ROBO1: variants seen among roughly 807,000 people sequenced by gnomAD.
ROBO1 encodes roundabout homolog 1.
In ROBO1, 149 loss-of-function variants were observed where a neutral mutation model predicts 195.9. The observed-to-expected ratio is 0.76, with a 90% CI of 0.67 to 0.87. The LOEUF (loss-of-function observed/expected upper bound fraction) is 0.87, where lower values mean the gene tolerates loss of function less well. ROBO1 is among the 40% of genes least tolerant of loss of function. The probability of loss-of-function intolerance (pLI) is 0.00; values close to 1 mark genes in which losing one functional copy is unlikely to be tolerated. For synonymous variants in ROBO1, 816 were observed against 733.2 expected (o/e 1.11, Z -1.82); for missense variants, 1,933 against 2,068.3 (o/e 0.93, Z 1.27).
intron 3 of ROBO1, among the ~76,000 whole-genome samples, chr3:78,956,309 A>C (rs9845223): frequency 0.17 from 25,391 of 152,024 alleles, 3,440 homozygotes; most frequent in African/African-American, 0.38. Flanking sequence ...AGATTAGAAT[A>C]CCCCAAATTT....
chr3:79,046,092 G>A (rs1156377525), intron 3 of ROBO1, among the ~76,000 whole-genome samples: 1 of 152,078 alleles, frequency 6.6e-6, no homozygotes, highest in African/African-American at 2.4e-5. Flanking sequence ...TAGAGTAAAA[G>A]GAATGGGATA....
chr3:79,018,359 G>A lies in ROBO1; in HGVS notation c.173-79432C>T, dbSNP rs141650061. 6.9e-4 allele frequency: 1,105 copies of A among 1,609,972 alleles called. 11 individuals are homozygous for A. In the African/African-American group the frequency reaches 0.013, roughly 18 times the overall value. ...GGGTTTGATCGTGCAAAGTGGAGAG[G>A]GGGCGAACAGGGAGGATCAAGGGTG... is the stretch of plus-strand genomic sequence containing the variant. On this transcript the variant is annotated intron_variant, in intron 3 of 30. Transcript: ENST00000464233.
chr3:78,711,412 TTTCTTTCTTTCTTTCTTTC>T (rs1559773692), intron 8 of ROBO1, among the ~76,000 whole-genome samples: 1 of 91,032 alleles, frequency 1.1e-5, no homozygotes, highest in Non-Finnish European at 2.2e-5. Flanking sequence ...TCTTTCTTTC[TTTCTTTCTTTCTTTCTTTC>T]TTTCTTTCTT....
At chr3:78,665,083 A>G (rs759516681) in intron 14 of ROBO1, among the ~76,000 whole-genome samples, 1 of 152,146 alleles carries the variant, frequency 6.6e-6, no homozygotes, top group Non-Finnish European at 1.5e-5. Context: ...AGATCCTTGA[A>G]TGTCTTTTCA....
intron 2 of ROBO1, among the ~76,000 whole-genome samples, chr3:79,448,027 C>T (rs1256141939): frequency 2.0e-5 from 3 of 152,106 alleles, no homozygotes; most frequent in African/African-American, 7.2e-5. Flanking sequence ...TATAATGTAA[C>T]CTGTTAGTAC....
chr3:79,544,429 CT>C (rs1489426855), intron 2 of ROBO1, among the ~76,000 whole-genome samples: 1 of 151,828 alleles, frequency 6.6e-6, no homozygotes, highest in African/African-American at 2.4e-5. Context: ...AACTTTTAAA[CT>C]TTCATGTATA....
At chr3:79,332,057 G>T (rs1238315519) in intron 2 of ROBO1, among the ~76,000 whole-genome samples, 1 of 151,646 alleles carries the variant, frequency 6.6e-6, no homozygotes, top group African/African-American at 2.4e-5. Context: ...GCAGGAGAGT[G>T]GCGTGAACCC....
intron 4 of ROBO1, among the ~76,000 whole-genome samples, chr3:78,904,356 C>A (rs776068948): frequency 6.6e-6 from 1 of 152,110 alleles, no homozygotes; most frequent in South Asian, 2.1e-4. Context: ...GTTTTATACA[C>A]CATAGCATTA....
At chr3:79,583,184 TA>T (rs1352602306) in intron 2 of ROBO1, among the ~76,000 whole-genome samples, 2 of 152,034 alleles carry the variant, frequency 1.3e-5, no homozygotes, top group Non-Finnish European at 2.9e-5. Context: ...CAGTTTTCTT[TA>T]AACTTAGTGA....
At chr3:79,485,798 C>T (rs1306122675) in intron 2 of ROBO1, among the ~76,000 whole-genome samples, 1 of 150,738 alleles carries the variant, frequency 6.6e-6, no homozygotes, top group East Asian at 2.0e-4. Flanking sequence ...GCGTAGTCTT[C>T]TCTCTAACAC....
chr3:79,018,416 G>A (rs1056256983), intron 3 of ROBO1: 6 of 1,613,770 alleles, frequency 3.7e-6, no homozygotes, highest in Non-Finnish European at 4.2e-6. Flanking sequence ...CCTGAACAGA[G>A]ACATATTAAT....
At chr3:79,071,272 T>C (rs914636233) in intron 3 of ROBO1, among the ~76,000 whole-genome samples, 2 of 151,960 alleles carry the variant, frequency 1.3e-5, no homozygotes, top group Non-Finnish European at 2.9e-5. Flanking sequence ...GATTTGTTTT[T>C]TTAAAACATA....
chr3:79,161,764 C>T (rs948104696), intron 2 of ROBO1, among the ~76,000 whole-genome samples: 13 of 152,080 alleles, frequency 8.5e-5, no homozygotes, highest in African/African-American at 3.1e-4. Flanking sequence ...CTAGTACCAT[C>T]GCTCTCCTTC....
intron 3 of ROBO1, among the ~76,000 whole-genome samples, chr3:79,037,987 C>T (rs1246596577): frequency 3.3e-5 from 5 of 151,936 alleles, no homozygotes; most frequent in South Asian, 2.1e-4. Context: ...CATTATGATC[C>T]AAGAAAGATT....
intron 2 of ROBO1, among the ~76,000 whole-genome samples, chr3:79,149,920 C>A (rs1181055248): frequency 6.6e-6 from 1 of 151,720 alleles, no homozygotes; most frequent in East Asian, 1.9e-4. Flanking sequence ...AAAATGGTTA[C>A]TTTTCTCTTC....
chr3:78,905,605 C>A (rs1323546812), intron 4 of ROBO1, among the ~76,000 whole-genome samples: 2 of 151,806 alleles, frequency 1.3e-5, no homozygotes, highest in East Asian at 3.9e-4. Context: ...GATGACAGAG[C>A]AAGACAAACA....
At chr3:79,680,605 C>T (rs903096238) in intron 1 of ROBO1, among the ~76,000 whole-genome samples, 13 of 151,972 alleles carry the variant, frequency 8.6e-5, no homozygotes, top group Non-Finnish European at 1.5e-4. Flanking sequence ...AGCCAATTAG[C>T]TGGACTGGGT....
At chr3:78,933,811 C>T (rs985276327) in intron 4 of ROBO1, among the ~76,000 whole-genome samples, 2 of 151,730 alleles carry the variant, frequency 1.3e-5, no homozygotes, top group Non-Finnish European at 3.0e-5. Flanking sequence ...TAAATTTGTT[C>T]CTGAAACAAA....
In ROBO1 at chr3:79,092,718, C is replaced by T. The variant is rs532093557; in HGVS notation, c.172+32738G>A. On this transcript the variant is annotated intron_variant, in intron 3 of 30. Transcript: ENST00000464233. ...GTTGAGAAAATTATGAAAAGATATG[C>T]AGGAAGTCAATATTGTTTGGCTGTG... Among the ~76,000 whole-genome samples, 3 of 152,122 alleles carry T rather than the reference C, an allele frequency of 2.0e-5. No individual in the cohort carries two copies. In the South Asian group the frequency reaches 6.2e-4, roughly 32 times the overall value.
Sources: gnomAD v4.1 joint callset for allele counts (sites outside exome capture counted in the v4.1 genomes callset) on GRCh38, gnomAD v4.1.1 for gene constraint, MANE v1.5 for transcripts, NCBI Gene and HGNC (gene_info 2026-07-23, HGNC 2026-07-21) for gene names.